The following THSD4 variants were observed in gnomAD, a reference collection of about 807,000 sequenced individuals.
The protein encoded by THSD4 is thrombospondin type 1 domain containing 4.
Under a neutral mutation model 119.0 loss-of-function variants are expected in THSD4, and 69 were observed. The ratio of observed to expected loss-of-function variants is 0.58; its 90% CI spans 0.48 to 0.71. The LOEUF (loss-of-function observed/expected upper bound fraction) is 0.71, where lower values mean the gene tolerates loss of function less well. Among genes scored for constraint, THSD4 ranks in the 30% least tolerant of loss-of-function variants. The pLI, the probability that THSD4 is intolerant of heterozygous loss-of-function variation, is 0.00. For missense variants in THSD4, 1,393 were observed against 1,391.1 expected (o/e 1.00, Z -0.02); for synonymous variants, 524 against 540.4 (o/e 0.97, Z 0.42).
intron 1 of THSD4, among the ~76,000 whole-genome samples, chr15:71,107,223 A>C (rs1366027510): frequency 6.6e-6 from 1 of 152,234 alleles, no homozygotes; most frequent in Non-Finnish European, 1.5e-5. Context: ...AGGAAACTTC[A>C]GATGCTGACA....
At chr15:71,289,719 C>A (rs1226596317) in intron 6 of THSD4, among the ~76,000 whole-genome samples, 1 of 152,176 alleles carries the variant, frequency 6.6e-6, no homozygotes, top group Non-Finnish European at 1.5e-5. Context: ...GCGTAGAGCC[C>A]TAACCTGCCT....
intron 4 of THSD4, among the ~76,000 whole-genome samples, chr15:71,221,259 A>G (rs1030714877): frequency 1.3e-5 from 2 of 152,118 alleles, no homozygotes; most frequent in Non-Finnish European, 2.9e-5. Flanking sequence ...TCCTCCAATT[A>G]TTTTATTGTG....
chr15:71,636,215 C>G (rs1012260389), intron 7 of THSD4, among the ~76,000 whole-genome samples: 2 of 152,002 alleles, frequency 1.3e-5, no homozygotes, highest in African/African-American at 4.8e-5. Context: ...TGGGGTCAGG[C>G]GTTGGAGACC....
intron 7 of THSD4, chr15:71,547,410 A>T: frequency 6.5e-7 from 1 of 1,550,380 alleles, no homozygotes; most frequent in Non-Finnish European, 8.7e-7. Context: ...TTGGGTAATA[A>T]TGTTTGTCAG....
intron 7 of THSD4, among the ~76,000 whole-genome samples, chr15:71,545,304 G>C (rs1165098819): frequency 6.6e-6 from 1 of 152,158 alleles, no homozygotes; most frequent in East Asian, 1.9e-4. Context: ...AGAGCAGACA[G>C]GTCAAAAGAT....
At chr15:71,367,084 C>T (rs922941149) in intron 6 of THSD4, among the ~76,000 whole-genome samples, 6 of 152,136 alleles carry the variant, frequency 3.9e-5, no homozygotes, top group Non-Finnish European at 8.8e-5. Flanking sequence ...GTTTGTATAG[C>T]GGTCCTTCAA....
intron 7 of THSD4, among the ~76,000 whole-genome samples, chr15:71,646,964 A>AT (rs959701084): frequency 9.2e-5 from 14 of 152,172 alleles, no homozygotes; most frequent in African/African-American, 3.4e-4. Flanking sequence ...GAATGACATG[A>AT]TGATAGCTGT....
chr15:71,114,820 G>A (rs1170306002), upstream of THSD4: 3 of 152,094 alleles, frequency 2.0e-5, no homozygotes, highest in Non-Finnish European at 4.4e-5. Context: ...GGCTCTGGCC[G>A]TCAGGGTGTG....
chr15:71,266,039 G>A (rs2044462266), intron 6 of THSD4, among the ~76,000 whole-genome samples: 1 of 152,226 alleles, frequency 6.6e-6, no homozygotes, highest in African/African-American at 2.4e-5. Context: ...AGCTTCAGCA[G>A]ACTTAAACAT....
chr15:71,690,594 C>T (rs189910579), intron 8 of THSD4, among the ~76,000 whole-genome samples: 6 of 152,252 alleles, frequency 3.9e-5, no homozygotes, highest in Non-Finnish European at 8.8e-5. Context: ...TAGTCCATTT[C>T]ACACTGCTGA....
intron 6 of THSD4, among the ~76,000 whole-genome samples, chr15:71,303,455 T>C (rs1488037584): frequency 6.6e-6 from 1 of 152,222 alleles, no homozygotes; most frequent in Non-Finnish European, 1.5e-5. Context: ...TAATGTGTTA[T>C]GTGGAACTCA....
chr15:71,111,344 A>G (rs767720488), upstream of THSD4: 10 of 1,613,762 alleles, frequency 6.2e-6, no homozygotes, highest in African/African-American at 1.2e-4. Flanking sequence ...TCTCTTGCCC[A>G]GTTGTGGGTT....
intron 7 of THSD4, among the ~76,000 whole-genome samples, chr15:71,475,377 T>A (rs1356670642): frequency 1.3e-5 from 2 of 152,356 alleles, no homozygotes; most frequent in African/African-American, 4.8e-5. Flanking sequence ...AATTTTCTAT[T>A]TATAAAAATG....
chr15:71,542,737 T>C (rs910869243), intron 7 of THSD4, among the ~76,000 whole-genome samples: 15 of 151,370 alleles, frequency 9.9e-5, no homozygotes, highest in Admixed American at 6.6e-4. Flanking sequence ...ATTAGCTGGG[T>C]ATGGTGGCGG....
chr15:71,442,162 G>A (rs1384787127), intron 7 of THSD4, among the ~76,000 whole-genome samples: 2 of 151,942 alleles, frequency 1.3e-5, no homozygotes, highest in Non-Finnish European at 2.9e-5. Context: ...GTTTCACTGT[G>A]TTGGCCATGA....
chr15:71,718,148 CAAAA>C (rs55879700), intron 8 of THSD4, among the ~76,000 whole-genome samples: 20 of 123,152 alleles, frequency 1.6e-4, no homozygotes, highest in Non-Finnish European at 1.6e-4. Context: ...GACCCTGTCT[CAAAA>C]AAAAAAAAAA....
chr15:71,102,674 T>A (rs533044135), intron 1 of THSD4, among the ~76,000 whole-genome samples: 6 of 152,188 alleles, frequency 3.9e-5, no homozygotes, highest in African/African-American at 1.2e-4. Flanking sequence ...AAGAGATTCT[T>A]CTGCCTCAGC....
intron 6 of THSD4, among the ~76,000 whole-genome samples, chr15:71,389,807 G>GTTTTTTTTT (rs1237701264): frequency 1.9e-4 from 9 of 46,244 alleles, no homozygotes; most frequent in African/African-American, 2.8e-4. Context: ...TATTTTCTGG[G>GTTTTTTTTT]TTGTTTTTTT....
chr15:71,210,759 A>G (rs1477886837), intron 3 of THSD4, among the ~76,000 whole-genome samples: 5 of 152,158 alleles, frequency 3.3e-5, no homozygotes, highest in Admixed American at 3.3e-4. Context: ...ACTAATTAAT[A>G]TAGTGAAAAA....
Sources: gnomAD v4.1 joint callset for allele counts (sites outside exome capture counted in the v4.1 genomes callset) on GRCh38, gnomAD v4.1.1 for gene constraint, MANE v1.5 for transcripts, NCBI Gene and HGNC (gene_info 2026-07-23, HGNC 2026-07-21) for gene names.